POLR3B: variants seen among roughly 807,000 people sequenced by gnomAD.
POLR3B encodes DNA-directed RNA polymerase III subunit RPC2.
Under a neutral mutation model 147.4 loss-of-function variants are expected in POLR3B, and 96 were observed. That is an observed-to-expected ratio of 0.65 (90% CI 0.55 to 0.77). The LOEUF (loss-of-function observed/expected upper bound fraction) is 0.77, where lower values mean the gene tolerates loss of function less well. POLR3B is among the 30% of genes least tolerant of loss of function. POLR3B has a pLI of 0.00. For missense variants in POLR3B, 1,036 were observed against 1,413.5 expected, an observed-to-expected ratio of 0.73 and a Z score of 4.28; for synonymous variants, 461 against 485.9, an observed-to-expected ratio of 0.95 and a Z score of 0.67.
At chr12:106,427,848 C>A (rs2037458644) in intron 13 of POLR3B, among the ~76,000 whole-genome samples, 1 of 152,140 alleles carries the variant, frequency 6.6e-6, no homozygotes, top group South Asian at 2.1e-4. Flanking sequence ...GGGTCTCAGG[C>A]TATTCATAAA....
Position 106,504,101 on chromosome 12 carries a change from C to A in POLR3B, c.3119C>A (p.Ser1040Tyr), listed in dbSNP as rs1396725620. The stretch of plus-strand genomic sequence containing the variant: ...CAAAGGCAACCCACTGAAGGACGGT[C>A]TCGTGATGGTGGCTTGCGTCTCGGG... ...VLTRQPTEGR[S>Y]RDGGLRLGEM... Residue 1040 changes from serine (S) to tyrosine (Y), a missense_variant, in exon 27 of 28, where the codon TCT becomes TAT. Ser to Tyr is a moderately radical substitution (Grantham distance 144). Transcript: ENST00000228347. This position sits in a 1 kb window ranked among gnomAD's most constrained non-coding sequence, Gnocchi z 4.6. 3.1e-6 allele frequency: 5 copies of A among 1,614,034 alleles called. No homozygotes were observed. The highest frequency in any genetic ancestry group is 4.2e-6 in the Non-Finnish European group (5 of 1,179,958).
chr12:106,413,427 C>T (rs183479309), intron 12 of POLR3B, among the ~76,000 whole-genome samples: 58 of 152,158 alleles, frequency 3.8e-4, no homozygotes, highest in Middle Eastern at 3.4e-3. Context: ...ATTTCACCTC[C>T]TTCTGCCTCA....
At chr12:106,403,305 A>G (rs1235344494) in intron 10 of POLR3B, among the ~76,000 whole-genome samples, 1 of 151,116 alleles carries the variant, frequency 6.6e-6, no homozygotes, top group East Asian at 1.9e-4. Flanking sequence ...AAAAGTCAGG[A>G]AACAACAGGT....
Position 106,437,770 on chromosome 12 carries a change from CAATT to C in POLR3B, c.1950_1953del (p.Asn651LysfsTer46), listed in dbSNP as rs761276079. On this transcript the variant is annotated frameshift_variant, in exon 18 of 28. Coordinates refer to ENST00000228347, the MANE Select transcript of POLR3B (RefSeq NM_018082.6). LOFTEE classifies it high-confidence loss of function. ...TGTAACATTGCACTGTACGAACACA[CAATT>C]AATAAGTAAGTAGGATCCATAGCAA... 7 of 1,558,728 alleles carry C rather than the reference CAATT, an allele frequency of 4.5e-6. No homozygotes were observed. Among genetic ancestry groups the C allele is most frequent in the East Asian group, 2.2e-5 (1 of 44,524 alleles).
chr12:106,378,535 T>C, intron 8 of POLR3B, 151 bp downstream of exon 8: 1 of 603,330 alleles, frequency 1.7e-6, no homozygotes, highest in Non-Finnish European at 3.0e-6. Context: ...ATTATGAAAG[T>C]CTGGAAGCAT....
At position 106,369,520 on chromosome 12, in the gene POLR3B, G is replaced by GAAGT; in HGVS notation, c.304-62_304-59dup. The GAAGT allele has an allele frequency of 3.5e-6, 4 of 1,140,738 alleles. No individual in the cohort carries two copies. The South Asian group carries it at 4.9e-5, about 14-fold the overall frequency. 70.7% of individuals were successfully genotyped at this position (1,140,738 alleles called of 1,614,324 possible). A position where few individuals can be genotyped will look rare whatever the true frequency, so the allele number is the denominator to read the frequency against. ...AATTCTACTACAGAAGGAGCACTTTGAAGTGGTCAGGACCCTGTTGCAGAG... is the reference window on the plus strand; with the variant it reads ...AATTCTACTACAGAAGGAGCACTTTGAAGTAAGTGGTCAGGACCCTGTTGCAGAG... On this transcript the variant is annotated intron_variant, in intron 5 of 27. Transcript: ENST00000228347.
chr12:106,407,327 T>C (rs1004500918), intron 11 of POLR3B, among the ~76,000 whole-genome samples: 32 of 152,342 alleles, frequency 2.1e-4, no homozygotes, highest in African/African-American at 5.8e-4. Context: ...AGTTTTCTCA[T>C]CTTTTTAATA....
rs530289393 is a variant in POLR3B, at chr12:106,443,604, G to A, written c.1956-859G>A. ...AAGATCTCAGCTCACTGCAACCTCC[G>A]TCTCCTGGGTTCAAGCAATTCTCCT... On this transcript the variant is annotated intron_variant, in intron 18 of 27. Coordinates refer to ENST00000228347, the MANE Select transcript of POLR3B (RefSeq NM_018082.6). Among the ~76,000 whole-genome samples, 5 of 151,490 alleles carry A rather than the reference G, an allele frequency of 3.3e-5. No homozygotes were observed. In the East Asian group the frequency reaches 5.8e-4, roughly 18 times the overall value.
Position 106,366,665 on chromosome 12 carries a change from A to T in POLR3B, c.170A>T (p.Lys57Met). Residue 57 changes from lysine (K) to methionine (M), a missense_variant, in exon 4 of 28, where the codon AAG becomes ATG. This residue lies in a region of POLR3B where 150 missense variants were observed against 145.5 expected (regional missense o/e 1.03). Transcript: ENST00000228347. ...TTGCATTTTCCACTGCAGATAAAGA[A>T]GATAATGAAAGCCAATGAAAAGGTT... is the stretch of plus-strand genomic sequence containing the variant. ...FNYFINVEIK[K>M]IMKANEKVTS... 1.2e-6 allele frequency: 2 copies of T among 1,613,642 alleles called. No individual in the cohort carries two copies. Among genetic ancestry groups the T allele is most frequent in the Non-Finnish European group, 1.7e-6 (2 of 1,179,528 alleles).
chr12:106,488,266 G>T (rs187133884), intron 23 of POLR3B, among the ~76,000 whole-genome samples: 2 of 152,294 alleles, frequency 1.3e-5, no homozygotes, highest in East Asian at 3.9e-4. Context: ...CAGTAAATGT[G>T]CAGTGAGTCT....
intron 23 of POLR3B, among the ~76,000 whole-genome samples, chr12:106,476,465 C>A (rs1257436618): frequency 2.7e-5 from 2 of 72,756 alleles, no homozygotes; most frequent in Non-Finnish European, 5.0e-5. Flanking sequence ...AGAGTGTTTT[C>A]CAACTTGGTT....
At chr12:106,358,061 G>T in intron 1 of POLR3B, 110 bp downstream of exon 1, 3 of 1,551,480 alleles carry the variant, frequency 1.9e-6, no homozygotes, top group African/African-American at 1.3e-5. Flanking sequence ...GTGCGCATGC[G>T]CCGGGCTTCT....
chr12:106,507,444 G>A (rs1286170148), intron 27 of POLR3B, among the ~76,000 whole-genome samples: 1 of 152,120 alleles, frequency 6.6e-6, no homozygotes, highest in South Asian at 2.1e-4. Context: ...GAGTCATTGG[G>A]TAATGTACTA....
chr12:106,359,673 G>A (rs2036439763), intron 1 of POLR3B, among the ~76,000 whole-genome samples: 1 of 152,210 alleles, frequency 6.6e-6, no homozygotes, highest in South Asian at 2.1e-4. Flanking sequence ...CAAAGAGCCA[G>A]CATTCACTGA....
chr12:106,369,534 C>T (rs780702666), intron 5 of POLR3B, 49 bp from the exon 6 acceptor site: 1 of 1,255,908 alleles, frequency 8.0e-7, no homozygotes, highest in African/African-American at 1.5e-5. Context: ...TGGTCAGGAC[C>T]CTGTTGCAGA....
At chr12:106,388,846 C>T (rs1400698391) in intron 9 of POLR3B, among the ~76,000 whole-genome samples, 1 of 152,162 alleles carries the variant, frequency 6.6e-6, no homozygotes, top group African/African-American at 2.4e-5. Context: ...CTCTTTTGCT[C>T]ATTAGTATTC....
intron 8 of POLR3B, 41 bp downstream of exon 8, chr12:106,378,425 A>G: frequency 1.7e-6 from 2 of 1,201,558 alleles, no homozygotes; most frequent in South Asian, 1.2e-5. Flanking sequence ...AATATTGGTC[A>G]TTCCATTAGT....
chr12:106,458,229 C>T (rs1592752876), intron 21 of POLR3B, among the ~76,000 whole-genome samples: 1 of 152,108 alleles, frequency 6.6e-6, no homozygotes, highest in Non-Finnish European at 1.5e-5. Context: ...TCAAGTGATT[C>T]TCCCACTTCA....
At chr12:106,472,321 A>G (rs61941924) in intron 23 of POLR3B, among the ~76,000 whole-genome samples, 35,990 of 149,764 alleles carry the variant, frequency 0.24, 4,323 homozygotes, top group African/African-American at 0.36. Context: ...CACAATAAAC[A>G]TACGTGTGCA....
Sources: gnomAD v4.1 joint callset for allele counts (sites outside exome capture counted in the v4.1 genomes callset) on GRCh38, gnomAD v4.1.1 for gene constraint, gnomAD v4.1.1 regional missense constraint, Gnocchi (gnomAD v3.1) non-coding constraint, MANE v1.5 for transcripts, NCBI Gene and HGNC (gene_info 2026-07-23, HGNC 2026-07-21) for gene names.